Variants in QTMAN observed in about 807,000 individuals in gnomAD.
The protein encoded by QTMAN is tRNA-queuosine alpha-mannosyltransferase.
At chr2:144,035,660 C>T in the QTMAN span, among the ~76,000 whole-genome samples, 1 of 152,114 alleles carries the variant, frequency 6.6e-6, no homozygotes, top group Non-Finnish European at 1.5e-5. Context: ...AACTTTGAGG[C>T]ACACATCTGT....
chr2:143,979,485 C>T, the QTMAN span, among the ~76,000 whole-genome samples: 1 of 152,122 alleles, frequency 6.6e-6, no homozygotes, highest in African/African-American at 2.4e-5. Context: ...ATGAAATAAG[C>T]ACTCAAAGCT....
the QTMAN span, among the ~76,000 whole-genome samples, chr2:144,166,666 G>T: frequency 6.6e-6 from 1 of 152,086 alleles, no homozygotes; most frequent in East Asian, 1.9e-4. Context: ...CCACATTATT[G>T]TGATAGTATT....
chr2:143,970,265 C>T, the QTMAN span, among the ~76,000 whole-genome samples: 1 of 152,282 alleles, frequency 6.6e-6, no homozygotes, highest in South Asian at 2.1e-4. Flanking sequence ...ACATAGGCCA[C>T]CTAACAGATG....
At chr2:144,031,938 A>C in the QTMAN span, among the ~76,000 whole-genome samples, 1 of 152,024 alleles carries the variant, frequency 6.6e-6, no homozygotes. Context: ...TAAAAACATT[A>C]GCGCCGGCTA....
the QTMAN span, among the ~76,000 whole-genome samples, chr2:144,324,694 G>C: frequency 6.6e-6 from 1 of 152,114 alleles, no homozygotes; most frequent in Non-Finnish European, 1.5e-5. Flanking sequence ...ATCAAGATAT[G>C]AATCACCTTG....
chr2:144,300,858 T>C, the QTMAN span, among the ~76,000 whole-genome samples: 3 of 152,162 alleles, frequency 2.0e-5, no homozygotes, highest in African/African-American at 7.2e-5. Context: ...TGATTATATG[T>C]TATCAGCTAA....
the QTMAN span, among the ~76,000 whole-genome samples, chr2:144,068,572 T>C: frequency 6.6e-6 from 1 of 152,186 alleles, no homozygotes; most frequent in African/African-American, 2.4e-5. Context: ...TATGCAAATG[T>C]GGTAAATCAA....
chr2:144,262,927 G>A, the QTMAN span, among the ~76,000 whole-genome samples: 1 of 89,996 alleles, frequency 1.1e-5, no homozygotes. Flanking sequence ...AGGGGAGAGG[G>A]GAGAGGGAAG....
the QTMAN span, among the ~76,000 whole-genome samples, chr2:144,288,274 C>T: frequency 6.6e-6 from 1 of 152,016 alleles, no homozygotes; most frequent in Non-Finnish European, 1.5e-5. Context: ...TCTGTTATCC[C>T]CCCTTCTTTG....
At chr2:143,951,026 G>C in the QTMAN span, 10 of 151,600 alleles carry the variant, frequency 6.6e-5, no homozygotes, top group Non-Finnish European at 1.3e-4. Context: ...TAGAAACAAA[G>C]TCATGTTTTG....
At chr2:144,063,586 T>C in the QTMAN span, among the ~76,000 whole-genome samples, 1 of 152,144 alleles carries the variant, frequency 6.6e-6, no homozygotes, top group African/African-American at 2.4e-5. Flanking sequence ...TTCTGAATAT[T>C]AAAAATATCT....
chr2:143,985,121 G>C, the QTMAN span, among the ~76,000 whole-genome samples: 1 of 152,230 alleles, frequency 6.6e-6, no homozygotes, highest in African/African-American at 2.4e-5. Context: ...AGCTAAAAGA[G>C]CATTGTAACA....
At chr2:143,969,556 C>T in the QTMAN span, among the ~76,000 whole-genome samples, 3 of 151,758 alleles carry the variant, frequency 2.0e-5, no homozygotes, top group East Asian at 1.9e-4. Flanking sequence ...TGTGTGCATA[C>T]GCGTGAAAGA....
At chr2:144,048,563 G>C in the QTMAN span, among the ~76,000 whole-genome samples, 1 of 152,120 alleles carries the variant, frequency 6.6e-6, no homozygotes. Context: ...CACATTTGTA[G>C]AGAGAAAAAA....
the QTMAN span, chr2:144,211,441 G>A: frequency 6.6e-6 from 1 of 152,556 alleles, no homozygotes; most frequent in Non-Finnish European, 1.5e-5. Flanking sequence ...ACTATACTTA[G>A]TGGCTTTGAT....
the QTMAN span, among the ~76,000 whole-genome samples, chr2:144,227,974 A>G: frequency 6.6e-6 from 1 of 152,242 alleles, no homozygotes; most frequent in African/African-American, 2.4e-5. Context: ...CCCTGTGAGT[A>G]AACATCCCTT....
the QTMAN span, among the ~76,000 whole-genome samples, chr2:144,074,215 G>A: frequency 1.3e-5 from 2 of 152,172 alleles, no homozygotes; most frequent in African/African-American, 4.8e-5. Flanking sequence ...GAATTTAGGA[G>A]CAGGGTTGAG....
chr2:144,001,397 C>T, the QTMAN span, among the ~76,000 whole-genome samples: 1 of 151,870 alleles, frequency 6.6e-6, no homozygotes, highest in Non-Finnish European at 1.5e-5. Context: ...AATGATTGGA[C>T]TTTTTCCTTT....
the QTMAN span, among the ~76,000 whole-genome samples, chr2:143,995,452 G>C: frequency 0.04 from 6,082 of 152,202 alleles, 235 homozygotes; most frequent in East Asian, 0.17. Context: ...TTTAGTAAGT[G>C]CTTACTCTGT....
Sources: gnomAD v4.1 joint callset for allele counts (sites outside exome capture counted in the v4.1 genomes callset) on GRCh38, gnomAD v4.1.1 for gene constraint, MANE v1.5 for transcripts, NCBI Gene and HGNC (gene_info 2026-07-23, HGNC 2026-07-21) for gene names.